The following UNC80 variants were observed in gnomAD, a reference collection of about 807,000 sequenced individuals.
The protein encoded by UNC80 is protein unc-80 homolog.
Under a neutral mutation model 384.6 loss-of-function variants are expected in UNC80, and 164 were observed. The observed-to-expected ratio is 0.43, with a 90% CI of 0.38 to 0.49. The LOEUF (loss-of-function observed/expected upper bound fraction) is 0.49. Among genes scored for constraint, UNC80 ranks in the 20% least tolerant of loss-of-function variants. UNC80 has a pLI of 0.00. For missense variants in UNC80, 3,330 were observed against 4,143.0 expected (o/e 0.80, Z 5.39); for synonymous variants, 1,486 against 1,527.8 (o/e 0.97, Z 0.64).
chr2:209,909,494 A>C (rs1343923567), intron 29 of UNC80, among the ~76,000 whole-genome samples: 1 of 152,154 alleles, frequency 6.6e-6, no homozygotes, highest in Non-Finnish European at 1.5e-5. Flanking sequence ...TCCCCTGGCC[A>C]GCTCCTATTG....
chr2:209,881,205 T>A (rs1256341335), intron 25 of UNC80, 111 bp downstream of exon 25: 1 of 1,258,778 alleles, frequency 7.9e-7, no homozygotes, highest in African/African-American at 1.5e-5. Flanking sequence ...GTGTATCACA[T>A]AATTTTAAAA....
At chr2:209,829,010 T>G (rs2080757078) in intron 14 of UNC80, among the ~76,000 whole-genome samples, 1 of 152,136 alleles carries the variant, frequency 6.6e-6, no homozygotes, top group African/African-American at 2.4e-5. Context: ...GCTTTGGGGT[T>G]TTTCCTATGG....
intron 19 of UNC80, among the ~76,000 whole-genome samples, chr2:209,840,303 G>T (rs182956757): frequency 6.6e-6 from 1 of 152,320 alleles, no homozygotes; most frequent in East Asian, 1.9e-4. Context: ...TGTGAAGCTG[G>T]ATAGATGATG....
At chr2:209,899,933 G>A (rs1365909247) in intron 28 of UNC80, among the ~76,000 whole-genome samples, 1 of 152,152 alleles carries the variant, frequency 6.6e-6, no homozygotes, top group Non-Finnish European at 1.5e-5. Context: ...TCCCTTCTTT[G>A]GTAATTCCAA....
At chr2:209,933,779 G>C (rs1374654865) in intron 38 of UNC80, 43 bp from the exon 39 acceptor site, 2 of 1,485,810 alleles carry the variant, frequency 1.3e-6, no homozygotes, top group Non-Finnish European at 1.8e-6. Context: ...TGTGAGCTCG[G>C]GATTATTGTA....
chr2:209,791,918 C>G (rs952694081), intron 6 of UNC80, among the ~76,000 whole-genome samples: 1 of 150,612 alleles, frequency 6.6e-6, no homozygotes, highest in Non-Finnish European at 1.5e-5. Flanking sequence ...AATATGATAG[C>G]CTCTAGGCCC....
intron 22 of UNC80, among the ~76,000 whole-genome samples, chr2:209,866,619 C>T (rs1399017962): frequency 6.7e-6 from 1 of 149,136 alleles, no homozygotes; most frequent in African/African-American, 2.5e-5. Context: ...CCTGATATAA[C>T]CTGTGTTTTA....
At chr2:209,869,251 G>A (rs1403714003) in intron 22 of UNC80, 3 of 152,282 alleles carry the variant, frequency 2.0e-5, no homozygotes, top group Admixed American at 6.5e-5. Context: ...TCCATCAAAA[G>A]AGGGAAAATT....
chr2:209,972,891 C>T (rs1276862606), intron 55 of UNC80, among the ~76,000 whole-genome samples, 173 bp from the exon 56 acceptor site: 1 of 152,104 alleles, frequency 6.6e-6, no homozygotes. Flanking sequence ...TACTCAGGTG[C>T]CAGGAACACT....
At chr2:209,948,386 C>T (rs1020523161) in intron 47 of UNC80, among the ~76,000 whole-genome samples, 10 of 152,036 alleles carry the variant, frequency 6.6e-5, no homozygotes, top group African/African-American at 2.4e-4. Context: ...GTAGTGACAT[C>T]CATTATCATT....
rs2125016901 is a variant in UNC80, at chr2:209,976,282, G to A, written c.8751G>A (p.Leu2917=). 6.4e-6 allele frequency: 10 copies of A among 1,551,700 alleles called. No individual in the cohort carries two copies. Among genetic ancestry groups the A allele is most frequent in the Non-Finnish European group, 7.8e-6 (9 of 1,147,008 alleles). Residue 2917 remains leucine (L), a synonymous_variant, in exon 57 of 65, where the codon TTG becomes TTA. Transcript: ENST00000673920. This position sits in a 1 kb window ranked among gnomAD's most constrained non-coding sequence, Gnocchi z 4.3. The part of the protein sequence containing the change: ...VRTRIPIFVL[L]RPFIQCKLLA... Reference sequence around the variant, plus strand: ...CCCGAATACCCATCTTTGTGCTTTTGCGCCCTTTCATCCAGTGCAAGGTGT... The same window carrying A: ...CCCGAATACCCATCTTTGTGCTTTTACGCCCTTTCATCCAGTGCAAGGTGT...
At chr2:209,959,279 CAAAAGTGGG>C (rs2092514853) in intron 50 of UNC80, 125 bp downstream of exon 50, 2 of 1,288,566 alleles carry the variant, frequency 1.6e-6, no homozygotes, top group Non-Finnish European at 2.2e-6. Flanking sequence ...GGTAAACCCC[CAAAAGTGGG>C]TTTACTACAG....
chr2:209,866,484 GCACCCCCACACACACACACA>G (rs1443792285), intron 22 of UNC80, among the ~76,000 whole-genome samples: 5 of 76,174 alleles, frequency 6.6e-5, no homozygotes, highest in African/African-American at 2.5e-4. Context: ...AATACAAAAT[GCACCCCCACACACACACACA>G]CACACACACA....
chr2:209,844,254 A>C (rs187416833), intron 21 of UNC80, among the ~76,000 whole-genome samples: 310 of 152,272 alleles, frequency 2.0e-3, no homozygotes, highest in African/African-American at 7.2e-3. Flanking sequence ...ATGTCATTTG[A>C]CTGGAGCTGC....
rs73984303 is a variant in UNC80, at chr2:209,892,077, A to G, written c.4277-2086A>G. ...AATTTAATTTTGTTTTAAGTGCATTAGAGTTGTTGGTAGGTTTTACCAGAA... is the reference window on the plus strand; with the variant it reads ...AATTTAATTTTGTTTTAAGTGCATTGGAGTTGTTGGTAGGTTTTACCAGAA... On this transcript the variant is annotated intron_variant, in intron 26 of 64. Transcript: ENST00000673920. 4.6e-3 allele frequency among the ~76,000 whole-genome samples: 707 copies of G among 152,318 alleles called. 7 individuals are homozygous for G. Among genetic ancestry groups the G allele is most frequent in the African/African-American group, 0.016 (676 of 41,576 alleles).
chr2:209,947,619 A>T (rs539623953), intron 47 of UNC80, among the ~76,000 whole-genome samples: 15 of 152,298 alleles, frequency 9.8e-5, no homozygotes, highest in African/African-American at 3.4e-4. Context: ...CAGTAAGGTC[A>T]GGGTTTCTTA....
chr2:209,858,019 G>A (rs185839639), intron 22 of UNC80, among the ~76,000 whole-genome samples: 1 of 152,286 alleles, frequency 6.6e-6, no homozygotes, highest in African/African-American at 2.4e-5. Flanking sequence ...ATTGATATAC[G>A]TACGATCAAA....
chr2:209,877,914 C>G (rs1306425112), intron 23 of UNC80, 40 bp from the exon 24 acceptor site: 2 of 1,471,924 alleles, frequency 1.4e-6, no homozygotes, highest in Admixed American at 2.7e-5. Context: ...TAGAGTTTGA[C>G]TTAGTTTGTG....
At chr2:209,952,972 A>G (rs1188835059) in intron 47 of UNC80, among the ~76,000 whole-genome samples, 1 of 152,224 alleles carries the variant, frequency 6.6e-6, no homozygotes, top group African/African-American at 2.4e-5. Flanking sequence ...AGTATTCAGT[A>G]TTATAAAGAG....
Sources: gnomAD v4.1 joint callset for allele counts (sites outside exome capture counted in the v4.1 genomes callset) on GRCh38, gnomAD v4.1.1 for gene constraint, Gnocchi (gnomAD v3.1) non-coding constraint, MANE v1.5 for transcripts, NCBI Gene and HGNC (gene_info 2026-07-23, HGNC 2026-07-21) for gene names.